Variants in FNDC3B observed in about 807,000 individuals in gnomAD.
The protein encoded by FNDC3B is fibronectin type III domain containing 3B.
In FNDC3B, 12 loss-of-function variants were observed where a neutral mutation model predicts 151.5. The ratio of observed to expected loss-of-function variants is 0.08; its 90% CI spans 0.05 to 0.13. FNDC3B has a LOEUF of 0.13. FNDC3B is among the 10% of genes least tolerant of loss of function. FNDC3B has a pLI of 1.00. For missense variants in FNDC3B, 1,214 were observed against 1,505.3 expected, an observed-to-expected ratio of 0.81 and a Z score of 3.20; for synonymous variants, 528 against 549.0, an observed-to-expected ratio of 0.96 and a Z score of 0.54.
intron 8 of FNDC3B, among the ~76,000 whole-genome samples, chr3:172,295,841 T>C (rs1166383462): frequency 6.6e-6 from 1 of 152,258 alleles, no homozygotes; most frequent in Non-Finnish European, 1.5e-5. Flanking sequence ...TGGGCGATTA[T>C]AAGGTGACCG....
At chr3:172,374,330 T>G (rs1735020835) in intron 23 of FNDC3B, among the ~76,000 whole-genome samples, 2 of 152,248 alleles carry the variant, frequency 1.3e-5, no homozygotes, top group African/African-American at 4.8e-5. Flanking sequence ...TTAAGATGAT[T>G]ATAACTAACA....
At chr3:172,194,527 C>A (rs1397682735) in intron 3 of FNDC3B, among the ~76,000 whole-genome samples, 1 of 152,134 alleles carries the variant, frequency 6.6e-6, no homozygotes, top group Non-Finnish European at 1.5e-5. Flanking sequence ...AAAGTTGCAT[C>A]TTTTCATCAA....
At chr3:172,106,563 T>TCATTG (rs1012211339) in intron 1 of FNDC3B, among the ~76,000 whole-genome samples, 1 of 152,244 alleles carries the variant, frequency 6.6e-6, no homozygotes, top group African/African-American at 2.4e-5. Context: ...TGAATTAATG[T>TCATTG]AAGGAAATTT....
At chr3:172,185,512 A>C (rs1402442315) in intron 3 of FNDC3B, among the ~76,000 whole-genome samples, 2 of 152,248 alleles carry the variant, frequency 1.3e-5, no homozygotes, top group African/African-American at 4.8e-5. Flanking sequence ...CTTCTACAGA[A>C]TGTATCTACC....
At chr3:172,133,108 T>C (rs1376801752) in intron 2 of FNDC3B, among the ~76,000 whole-genome samples, 4 of 152,244 alleles carry the variant, frequency 2.6e-5, no homozygotes, top group African/African-American at 9.6e-5. Flanking sequence ...GGTCAAAACC[T>C]CATTGCTAGA....
chr3:172,259,434 T>G (rs1728529810), intron 6 of FNDC3B, among the ~76,000 whole-genome samples: 1 of 152,186 alleles, frequency 6.6e-6, no homozygotes, highest in South Asian at 2.1e-4. Flanking sequence ...TTGAACGCCT[T>G]GCAACTGTCT....
intron 16 of FNDC3B, chr3:172,337,801 CAGA>C (rs1477397873): frequency 4.7e-6 from 1 of 211,312 alleles, no homozygotes; most frequent in Non-Finnish European, 9.5e-6. Context: ...TCTTCTGCCA[CAGA>C]AGATGAGGAA....
intron 8 of FNDC3B, among the ~76,000 whole-genome samples, chr3:172,296,710 C>T (rs1730626040): frequency 6.6e-6 from 1 of 151,254 alleles, no homozygotes; most frequent in Admixed American, 6.6e-5. Flanking sequence ...AGTGCCATGT[C>T]CCCCATGCCT....
chr3:172,314,967 C>G (rs919420646), intron 11 of FNDC3B, among the ~76,000 whole-genome samples: 1 of 152,218 alleles, frequency 6.6e-6, no homozygotes, highest in Admixed American at 6.5e-5. Context: ...ATTAATAGTT[C>G]TATACTAGGG....
At chr3:172,127,134 G>C (rs1000115197) in intron 2 of FNDC3B, 5 of 454,112 alleles carry the variant, frequency 1.1e-5, no homozygotes, top group African/African-American at 1.0e-4. Flanking sequence ...TCTTGAGACT[G>C]TAATTTTACT....
intron 11 of FNDC3B, among the ~76,000 whole-genome samples, chr3:172,325,293 A>C (rs1732285658): frequency 2.0e-5 from 3 of 152,216 alleles, no homozygotes; most frequent in Admixed American, 2.0e-4. Flanking sequence ...GATTTTTTAA[A>C]GGCGGGAACG....
At chr3:172,271,564 T>G (rs1729201644) in intron 6 of FNDC3B, among the ~76,000 whole-genome samples, 1 of 152,196 alleles carries the variant, frequency 6.6e-6, no homozygotes, top group South Asian at 2.1e-4. Flanking sequence ...TTCTAATTGT[T>G]GGGAAATGTT....
intron 6 of FNDC3B, among the ~76,000 whole-genome samples, chr3:172,284,224 C>T (rs917575773): frequency 6.6e-6 from 1 of 152,162 alleles, no homozygotes; most frequent in African/African-American, 2.4e-5. Context: ...TCCCTGTAGC[C>T]TGCTTTTGTA....
chr3:172,314,010 C>T (rs760528463), intron 11 of FNDC3B, among the ~76,000 whole-genome samples: 3 of 152,180 alleles, frequency 2.0e-5, no homozygotes, highest in African/African-American at 2.4e-5. Flanking sequence ...AACAGGAGAA[C>T]GGCATCTGGT....
At chr3:172,396,789 G>A (rs1736306537) in intron 25 of FNDC3B, among the ~76,000 whole-genome samples, 1 of 152,180 alleles carries the variant, frequency 6.6e-6, no homozygotes, top group Non-Finnish European at 1.5e-5. Flanking sequence ...AACTACCCCT[G>A]TCCGTGGAAA....
Position 172,380,866 on chromosome 3 carries a change from C to T in FNDC3B, c.3176-100C>T, listed in dbSNP as rs914962359. ...TCCTCTCTCAGGGCAAACACAGGCA[C>T]AATCTTGCTCTCTCTGGGTTCTCAC... is the stretch of plus-strand genomic sequence containing the variant. On this transcript the variant is annotated intron_variant, in intron 24 of 25. Coordinates refer to ENST00000415807, the MANE Select transcript of FNDC3B (RefSeq NM_022763.4). 8.0e-6 allele frequency: 11 copies of T among 1,367,934 alleles called. No individual in the cohort carries two copies. The African/African-American group carries it at 8.6e-5, about 11-fold the overall frequency. The allele number at this position is 1,367,934 out of a possible 1,614,324, so 84.7% of individuals were successfully genotyped here.
At chr3:172,073,788 C>A (rs1270082629) in intron 1 of FNDC3B, among the ~76,000 whole-genome samples, 3 of 152,020 alleles carry the variant, frequency 2.0e-5, no homozygotes, top group African/African-American at 7.3e-5. Context: ...ACCTTTACAA[C>A]TGACTCCACC....
intron 3 of FNDC3B, among the ~76,000 whole-genome samples, chr3:172,204,706 A>C (rs1421359203): frequency 3.9e-5 from 6 of 152,178 alleles, no homozygotes; most frequent in Non-Finnish European, 7.4e-5. Context: ...CAGTTTAGTC[A>C]CTTTCTATAA....
intron 3 of FNDC3B, among the ~76,000 whole-genome samples, chr3:172,161,876 C>A (rs1358609179): frequency 6.6e-6 from 1 of 152,096 alleles, no homozygotes; most frequent in Non-Finnish European, 1.5e-5. Flanking sequence ...ACTAGGCCAC[C>A]AGTAATGTAC....
Sources: allele counts gnomAD v4.1 joint callset (sites outside exome capture counted in the v4.1 genomes callset), GRCh38; gene constraint gnomAD v4.1.1; transcripts MANE v1.5; gene names NCBI Gene and HGNC (gene_info 2026-07-23, HGNC 2026-07-21).